PTK2B: variants seen among roughly 807,000 people sequenced by gnomAD.
PTK2B encodes protein-tyrosine kinase 2-beta.
A neutral mutation model predicts 142.9 loss-of-function variants in PTK2B; 71 were observed. The ratio of observed to expected loss-of-function variants is 0.50; its 90% CI spans 0.41 to 0.61. PTK2B has a LOEUF of 0.61. Among genes scored for constraint, PTK2B ranks in the 20% least tolerant of loss-of-function variants. The probability of loss-of-function intolerance (pLI) is 0.00; values close to 1 mark genes in which losing one functional copy is unlikely to be tolerated. For missense variants in PTK2B, 1,105 were observed against 1,320.4 expected, an observed-to-expected ratio of 0.84 and a Z score of 2.53; for synonymous variants, 519 against 503.4, an observed-to-expected ratio of 1.03 and a Z score of -0.42.
intron 2 of PTK2B, among the ~76,000 whole-genome samples, chr8:27,408,793 A>C (rs998890329): frequency 9.2e-5 from 14 of 152,208 alleles, no homozygotes; most frequent in African/African-American, 3.4e-4. Context: ...TTTTAGCTCT[A>C]ACTGGTCAAT....
At chr8:27,442,420 G>A (rs774515211) in intron 21 of PTK2B, among the ~76,000 whole-genome samples, 12 of 152,148 alleles carry the variant, frequency 7.9e-5, no homozygotes, top group Non-Finnish European at 1.3e-4. Context: ...GAACCCACAT[G>A]CCTCATTAGC....
intron 1 of PTK2B, among the ~76,000 whole-genome samples, chr8:27,348,942 C>T (rs947045366): frequency 6.6e-6 from 1 of 152,140 alleles, no homozygotes; most frequent in Non-Finnish European, 1.5e-5. Flanking sequence ...CAGGCCTCCA[C>T]CTTGCAGCTG....
chr8:27,376,517 T>C (rs574722000), intron 1 of PTK2B, among the ~76,000 whole-genome samples: 24 of 152,310 alleles, frequency 1.6e-4, no homozygotes, highest in African/African-American at 5.3e-4. Flanking sequence ...CTGAGACCTA[T>C]TGTGTTGCAT....
chr8:27,338,327 G>T (rs973623592), intron 1 of PTK2B, among the ~76,000 whole-genome samples: 3 of 152,068 alleles, frequency 2.0e-5, no homozygotes, highest in African/African-American at 7.2e-5. Context: ...AAAAATTGCT[G>T]AGGGAGCTAA....
intron 1 of PTK2B, among the ~76,000 whole-genome samples, chr8:27,385,092 G>A (rs1376231041): frequency 6.6e-6 from 1 of 152,174 alleles, no homozygotes; most frequent in Middle Eastern, 3.2e-3. Flanking sequence ...CCTTTGGGAA[G>A]TTACTCTGCT....
chr8:27,445,216 G>A (rs948136699), intron 23 of PTK2B, among the ~76,000 whole-genome samples: 2 of 151,884 alleles, frequency 1.3e-5, no homozygotes, highest in African/African-American at 4.8e-5. Context: ...AAAACAAATA[G>A]TAATACAATA....
At chr8:27,447,779 A>G (rs1333258154) in intron 24 of PTK2B, among the ~76,000 whole-genome samples, 1 of 152,200 alleles carries the variant, frequency 6.6e-6, no homozygotes, top group Non-Finnish European at 1.5e-5. Flanking sequence ...AGATCACTTG[A>G]ACCTGGGAGG....
chr8:27,425,136 A>G (rs1050813883), intron 5 of PTK2B, among the ~76,000 whole-genome samples: 1 of 151,696 alleles, frequency 6.6e-6, no homozygotes, highest in Non-Finnish European at 1.5e-5. Context: ...CTGTTAGTAT[A>G]TAACATATAT....
chr8:27,323,817 C>A (rs1467798862), upstream of PTK2B, among the ~76,000 whole-genome samples: 1 of 152,088 alleles, frequency 6.6e-6, no homozygotes. Flanking sequence ...TTGGGAGATT[C>A]TTTTTTTAAA....
At chr8:27,436,470 G>A (rs1810784222) in intron 15 of PTK2B, 122 bp downstream of exon 15, 3 of 792,296 alleles carry the variant, frequency 3.8e-6, no homozygotes, top group South Asian at 1.5e-5. Flanking sequence ...TTGTCCCTAA[G>A]GGCCTCTTGT....
upstream of PTK2B, chr8:27,311,343 C>G: frequency 1.5e-6 from 2 of 1,336,324 alleles, no homozygotes; most frequent in Non-Finnish European, 2.0e-6. Context: ...AGTCCCTTCC[C>G]CTGGAACGCT....
At chr8:27,366,891 C>T (rs1408896573) in intron 1 of PTK2B, among the ~76,000 whole-genome samples, 2 of 151,998 alleles carry the variant, frequency 1.3e-5, no homozygotes, top group Admixed American at 1.3e-4. Flanking sequence ...GAGCTGCAGC[C>T]TCAGACACAG....
intron 30 of PTK2B, among the ~76,000 whole-genome samples, chr8:27,457,002 A>G (rs1020108542): frequency 6.6e-6 from 1 of 152,248 alleles, no homozygotes; most frequent in Non-Finnish European, 1.5e-5. Context: ...GTAACATAAA[A>G]CTGAAGGTGA....
intron 1 of PTK2B, among the ~76,000 whole-genome samples, chr8:27,327,570 G>A (rs535848001): frequency 2.0e-5 from 3 of 152,324 alleles, no homozygotes; most frequent in Non-Finnish European, 4.4e-5. Context: ...ATGCTGTGAA[G>A]TAAAGGCTGG....
At chr8:27,454,463 T>C (rs929457784) in intron 29 of PTK2B, 68 bp from the exon 30 acceptor site, 20 of 1,576,740 alleles carry the variant, frequency 1.3e-5, no homozygotes, top group Non-Finnish European at 1.5e-5. Context: ...GGAGAGCTCT[T>C]CCCAGGGGAA....
chr8:27,458,257 G>A (rs915209240), intron 30 of PTK2B, 37 bp from the exon 31 acceptor site: 11 of 1,589,406 alleles, frequency 6.9e-6, no homozygotes, highest in African/African-American at 4.0e-5. Context: ...CACAGACTTT[G>A]TGGCCTCTCA....
rs138597669 is a variant in PTK2B at position 27,454,543 on chromosome 8, A to T, written c.2746A>T (p.Thr916Ser). 3.1e-6 allele frequency: 5 copies of T among 1,613,998 alleles called. No individual in the cohort carries two copies. Among genetic ancestry groups the T allele is most frequent in the African/African-American group, 1.3e-5 (1 of 74,926 alleles). The change falls in exon 30 of 31, where the codon ACC becomes TCC. Residue 916 changes from threonine (T) to serine (S), a missense_variant. Physicochemically the swap from Thr to Ser is moderately conservative, Grantham distance 58 (BLOSUM62 1). Coordinates refer to ENST00000346049, the MANE Select transcript of PTK2B (RefSeq NM_173176.3). ...YVVVVKNVGLTLRKLIGSVDD... is the reference protein window; with the variant it reads ...YVVVVKNVGLSLRKLIGSVDD... Reference sequence around the variant, plus strand: ...TTTCTCCCCCCAGAATGTGGGGCTGACCCTGCGGAAGCTCATCGGGAGCGT... The same window carrying T: ...TTTCTCCCCCCAGAATGTGGGGCTGTCCCTGCGGAAGCTCATCGGGAGCGT...
At chr8:27,431,588 GTTC>G (rs1212857440) in intron 9 of PTK2B, 116 bp downstream of exon 9, 2 of 1,362,330 alleles carry the variant, frequency 1.5e-6, no homozygotes, top group African/African-American at 1.4e-5. Flanking sequence ...TGAAAGCAGA[GTTC>G]TTCTAAGGCC....
intron 21 of PTK2B, among the ~76,000 whole-genome samples, chr8:27,441,200 G>C (rs373255302): frequency 2.0e-5 from 3 of 152,110 alleles, no homozygotes; most frequent in African/African-American, 7.2e-5. Context: ...TCGATGAATG[G>C]GTGTAGCTGG....
Sources: gnomAD v4.1 joint callset for allele counts (sites outside exome capture counted in the v4.1 genomes callset) on GRCh38, gnomAD v4.1.1 for gene constraint, MANE v1.5 for transcripts, NCBI Gene and HGNC (gene_info 2026-07-23, HGNC 2026-07-21) for gene names.